The following PRKD1 variants were observed in gnomAD, a reference collection of about 807,000 sequenced individuals.
PRKD1 encodes serine/threonine-protein kinase D1.
A neutral mutation model predicts 95.9 loss-of-function variants in PRKD1; 63 were observed. The ratio of observed to expected loss-of-function variants is 0.66; its 90% CI spans 0.54 to 0.81. The LOEUF is 0.81. Ranked by LOEUF, PRKD1 falls within the 30% of genes least tolerant of loss-of-function variation. The pLI, the probability that PRKD1 is intolerant of heterozygous loss-of-function variation, is 0.00. For missense variants in PRKD1, 1,048 were observed against 1,165.3 expected (o/e 0.90, Z 1.47); for synonymous variants, 425 against 423.1 (o/e 1.00, Z -0.05).
intron 13 of PRKD1, among the ~76,000 whole-genome samples, chr14:29,616,446 G>GT (rs10706104): frequency 1.5e-4 from 22 of 147,790 alleles, no homozygotes; most frequent in East Asian, 4.0e-4. Context: ...ATCGTTTATG[G>GT]TTTTTTTTTT....
intron 1 of PRKD1, among the ~76,000 whole-genome samples, chr14:29,859,041 G>A (rs1224082669): frequency 6.6e-6 from 1 of 152,100 alleles, no homozygotes; most frequent in African/African-American, 2.4e-5. Flanking sequence ...ATGGCAAAAA[G>A]CAGGTCATAC....
chr14:29,713,867 T>C (rs1176012144), intron 2 of PRKD1, among the ~76,000 whole-genome samples: 1 of 152,176 alleles, frequency 6.6e-6, no homozygotes, highest in Non-Finnish European at 1.5e-5. Context: ...ATTCAAACAC[T>C]AAATAATTTT....
intron 15 of PRKD1, among the ~76,000 whole-genome samples, chr14:29,598,741 G>A: frequency 6.6e-6 from 1 of 152,162 alleles, no homozygotes; most frequent in South Asian, 2.1e-4. Flanking sequence ...GCCCATTAAT[G>A]AGCAGGTAAC....
chr14:29,735,330 C>A (rs1886661014), intron 1 of PRKD1, among the ~76,000 whole-genome samples: 1 of 152,136 alleles, frequency 6.6e-6, no homozygotes, highest in African/African-American at 2.4e-5. Flanking sequence ...CTGGGTGGAA[C>A]TTTAATTAAC....
intron 1 of PRKD1, among the ~76,000 whole-genome samples, chr14:29,737,161 A>G (rs981509049): frequency 5.3e-5 from 8 of 150,838 alleles, no homozygotes; most frequent in African/African-American, 1.7e-4. Flanking sequence ...TCTCTACTAA[A>G]AATACAAAAA....
intron 1 of PRKD1, among the ~76,000 whole-genome samples, chr14:29,870,055 T>C (rs1893049451): frequency 6.6e-6 from 1 of 152,182 alleles, no homozygotes; most frequent in Non-Finnish European, 1.5e-5. Context: ...TTATTATTAT[T>C]ACCGAGGTGG....
chr14:29,786,444 A>C (rs1397046463), intron 1 of PRKD1, among the ~76,000 whole-genome samples: 2 of 152,132 alleles, frequency 1.3e-5, no homozygotes, highest in African/African-American at 2.4e-5. Flanking sequence ...AGTTTGGTAT[A>C]CTTCAGCAGT....
At chr14:29,836,852 C>T (rs1183112771) in intron 1 of PRKD1, among the ~76,000 whole-genome samples, 1 of 152,098 alleles carries the variant, frequency 6.6e-6, no homozygotes, top group African/African-American at 2.4e-5. Context: ...GGGAAGGCCA[C>T]AGGTGAGTGA....
chr14:29,655,502 GA>G (rs1270463597), intron 4 of PRKD1, among the ~76,000 whole-genome samples: 1 of 152,098 alleles, frequency 6.6e-6, no homozygotes, highest in Admixed American at 6.5e-5. Flanking sequence ...ATAGTCCCAT[GA>G]GGGAAAATAA....
chr14:29,666,101 C>A lies in PRKD1; in HGVS notation c.511G>T (p.Val171Leu). The A allele has an allele frequency of 6.3e-7, 1 of 1,595,218 alleles. No individual in the cohort carries two copies. The highest frequency in any genetic ancestry group is 8.6e-7 in the Non-Finnish European group (1 of 1,167,324). Residue 171 changes from valine to leucine, a missense_variant, in exon 3 of 18, where the codon GTA becomes TTA. By Grantham distance (32) the Val-to-Leu change is conservative. Around this residue, in one of 3 missense-constraint regions of PRKD1, gnomAD observed 275 missense variants for 248.6 expected, o/e 1.11. Transcript: ENST00000331968. ...CCTTCACATTTAAGACCTTGACGTA[C>A]CAGCCCCCACAGCATTTCTCCACAG... ...DHCGEMLWGL[V>L]RQGLKCEGCG...
At chr14:29,847,885 C>G (rs764637491) in intron 1 of PRKD1, among the ~76,000 whole-genome samples, 23 of 152,022 alleles carry the variant, frequency 1.5e-4, no homozygotes, top group African/African-American at 1.9e-4. Context: ...TCTCCCCCCC[C>G]ACCAACCTTT....
intron 1 of PRKD1, among the ~76,000 whole-genome samples, chr14:29,867,016 T>G (rs570874497): frequency 6.6e-6 from 1 of 152,306 alleles, no homozygotes; most frequent in South Asian, 2.1e-4. Flanking sequence ...AAAATTGTTC[T>G]AAGAACTGCT....
chr14:29,903,722 C>T lies in PRKD1; in HGVS notation c.264+23527G>A, dbSNP rs144911075. On this transcript the variant is annotated intron_variant, in intron 1 of 17. Coordinates refer to ENST00000331968, the MANE Select transcript of PRKD1 (RefSeq NM_002742.3). The stretch of plus-strand genomic sequence containing the variant: ...GGATAAAGGGGTGACAACTGAGGAA[C>T]AAAAAATGATTAATGAAAAAAGCCT... Among the ~76,000 whole-genome samples the T allele has an allele frequency of 8.9e-3, 1,346 of 151,964 alleles. 20 individuals are homozygous for T. Among genetic ancestry groups the T allele is most frequent in the African/African-American group, 0.03 (1,258 of 41,474 alleles).
chr14:29,639,247 A>AT (rs1231054451), intron 4 of PRKD1, among the ~76,000 whole-genome samples: 1 of 152,198 alleles, frequency 6.6e-6, no homozygotes, highest in Admixed American at 6.5e-5. Flanking sequence ...TATCATTGAC[A>AT]TTTTTTACAG....
intron 2 of PRKD1, among the ~76,000 whole-genome samples, chr14:29,690,648 G>A (rs947765573): frequency 1.3e-5 from 2 of 152,062 alleles, no homozygotes; most frequent in Non-Finnish European, 2.9e-5. Flanking sequence ...ACCAATGCTC[G>A]CATGGATAAC....
chr14:29,789,847 C>A (rs1000866680), intron 1 of PRKD1, among the ~76,000 whole-genome samples: 17 of 152,082 alleles, frequency 1.1e-4, no homozygotes, highest in Admixed American at 4.6e-4. Context: ...TCAGCCATGG[C>A]AGGTGAGGTG....
intron 1 of PRKD1, among the ~76,000 whole-genome samples, chr14:29,805,817 C>G (rs887132522): frequency 6.6e-6 from 1 of 152,160 alleles, no homozygotes; most frequent in East Asian, 1.9e-4. Context: ...TCATTATCAA[C>G]AGAAAGTGTG....
chr14:29,653,111 T>A (rs1483969634), intron 4 of PRKD1, among the ~76,000 whole-genome samples: 4 of 152,152 alleles, frequency 2.6e-5, no homozygotes, highest in Non-Finnish European at 5.9e-5. Context: ...TACATGTGAG[T>A]CAGTAAACCT....
At chr14:29,805,928 T>C (rs1030652621) in intron 1 of PRKD1, among the ~76,000 whole-genome samples, 6 of 152,064 alleles carry the variant, frequency 3.9e-5, no homozygotes, top group South Asian at 2.1e-4. Flanking sequence ...GATAAGAGCA[T>C]GAGAACAAGC....
Sources: gnomAD v4.1 joint callset for allele counts (sites outside exome capture counted in the v4.1 genomes callset) on GRCh38, gnomAD v4.1.1 for gene constraint, gnomAD v4.1.1 regional missense constraint, MANE v1.5 for transcripts, NCBI Gene and HGNC (gene_info 2026-07-23, HGNC 2026-07-21) for gene names.